RGS9: variants seen among roughly 807,000 people sequenced by gnomAD.
The protein encoded by RGS9 is regulator of G-protein signalling 9.
In RGS9, 78 loss-of-function variants were observed where a neutral mutation model predicts 102.0. The ratio of observed to expected loss-of-function variants is 0.76; its 90% CI spans 0.64 to 0.92. RGS9 has a LOEUF of 0.92. Ranked by LOEUF, RGS9 falls within the 40% of genes least tolerant of loss-of-function variation. The pLI, the probability that RGS9 is intolerant of heterozygous loss-of-function variation, is 0.00. For synonymous variants in RGS9, 353 were observed against 318.6 expected, an observed-to-expected ratio of 1.11 and a Z score of -1.15; for missense variants, 833 against 866.1, an observed-to-expected ratio of 0.96 and a Z score of 0.48.
intron 9 of RGS9, among the ~76,000 whole-genome samples, chr17:65,178,529 G>A (rs561146585): frequency 1.3e-5 from 2 of 150,242 alleles, no homozygotes; most frequent in East Asian, 3.9e-4. Flanking sequence ...TTTGAGACAG[G>A]GTCTCACTCT....
At chr17:65,149,153 T>C (rs1910486110) in intron 1 of RGS9, among the ~76,000 whole-genome samples, 1 of 151,188 alleles carries the variant, frequency 6.6e-6, no homozygotes, top group Non-Finnish European at 1.5e-5. Context: ...TTGTTATGTT[T>C]AATAGAAACG....
rs1911611056 is a variant in RGS9 at position 65,176,024 on chromosome 17, G to A, written c.583-1708G>A. Among the ~76,000 whole-genome samples the A allele has an allele frequency of 2.6e-5, 4 of 152,174 alleles. No individual in the cohort carries two copies. The South Asian group carries it at 8.3e-4, about 32-fold the overall frequency. ...AGCTAAAACCCAGTCTGATCCCATGGATGAGGCTGAATTTGATGGCAAGAA... is the reference window on the plus strand; with the variant it reads ...AGCTAAAACCCAGTCTGATCCCATGAATGAGGCTGAATTTGATGGCAAGAA... On this transcript the variant is annotated intron_variant, in intron 8 of 18. Transcript: ENST00000262406.
chr17:65,204,520 G>A (rs1051207174), intron 15 of RGS9, among the ~76,000 whole-genome samples: 2 of 152,088 alleles, frequency 1.3e-5, no homozygotes, highest in Non-Finnish European at 2.9e-5. Flanking sequence ...AGACCAGCCT[G>A]GGCAACACAG....
intron 18 of RGS9, among the ~76,000 whole-genome samples, chr17:65,226,660 T>C (rs992621611): frequency 1.3e-5 from 2 of 151,356 alleles, no homozygotes; most frequent in African/African-American, 4.9e-5. Context: ...TAGTCCAAGC[T>C]GGAGTGCAGT....
chr17:65,156,554 G>A (rs745541158), intron 2 of RGS9, among the ~76,000 whole-genome samples: 44 of 152,200 alleles, frequency 2.9e-4, no homozygotes, highest in Non-Finnish European at 3.5e-4. Context: ...GACGGCAGGC[G>A]TCCCAGGGCT....
In RGS9 at chr17:65,137,420, G is replaced by GCCCAGCCCGGTCCCCGCCCAGCCGCCTCC. The variant is rs1477037547; in HGVS notation, c.-114_-113insCGGTCCCCGCCCAGCCGCCTCCCCCAGCC. 4.0e-6 allele frequency: 4 copies of GCCCAGCCCGGTCCCCGCCCAGCCGCCTCC among 1,002,726 alleles called. No homozygotes were observed. Among genetic ancestry groups the GCCCAGCCCGGTCCCCGCCCAGCCGCCTCC allele is most frequent in the Admixed American group, 3.5e-5 (2 of 56,670 alleles). 62.1% of individuals were successfully genotyped at this position (1,002,726 alleles called of 1,614,324 possible). On this transcript the variant is annotated 5_prime_UTR_variant, in exon 1 of 19. Coordinates refer to ENST00000262406, the MANE Select transcript of RGS9 (RefSeq NM_003835.4). The stretch of plus-strand genomic sequence containing the variant: ...GGGGGGCCCGGCCCGCGCCCTCCCC[G>GCCCAGCCCGGTCCCCGCCCAGCCGCCTCC]CCCAGCCGCCTCCCCGTCGACGCCC...
intron 1 of RGS9, among the ~76,000 whole-genome samples, chr17:65,152,118 C>G (rs78506675): frequency 0.023 from 3,532 of 152,224 alleles, 83 homozygotes; most frequent in South Asian, 0.073. Context: ...AGGGTTGCAG[C>G]TTTAGGAATG....
chr17:65,157,907 T>TTGTGTGTG (rs1376662384), intron 2 of RGS9, among the ~76,000 whole-genome samples: 1,580 of 152,026 alleles, frequency 0.01, 22 homozygotes, highest in African/African-American at 0.036. Flanking sequence ...CGGGTCTGTT[T>TTGTGTGTG]TGTGTGTGTG....
rs879809306 is a variant in RGS9, at chr17:65,215,545, TTTTTTTTTG to T, written c.1407+4945_1407+4953del. Among the ~76,000 whole-genome samples the T allele has an allele frequency of 7.4e-5, 10 of 135,926 alleles. 1 individual carries two copies. The highest frequency in any genetic ancestry group is 1.3e-4 in the African/African-American group (4 of 30,812). 89.2% of individuals were successfully genotyped at this position (135,926 alleles called of 152,430 possible). A position where few individuals can be genotyped will look rare whatever the true frequency, so the allele number is the denominator to read the frequency against. On this transcript the variant is annotated intron_variant, in intron 17 of 18. Coordinates refer to ENST00000262406, the MANE Select transcript of RGS9 (RefSeq NM_003835.4). ...CTTTCTTTCTTTCTTTCTTTCTTTC[TTTTTTTTTG>T]TTTTGAGACAGAGTCTCAGGCTGGA...
chr17:65,169,378 G>A (rs1911319700), intron 8 of RGS9, among the ~76,000 whole-genome samples: 1 of 152,174 alleles, frequency 6.6e-6, no homozygotes, highest in African/African-American at 2.4e-5. Flanking sequence ...CCTGACGCAG[G>A]TATCTGGGGG....
In RGS9 at chr17:65,193,224, T is replaced by C. The variant is rs1417918514; in HGVS notation, c.747-319T>C. Among the ~76,000 whole-genome samples the C allele has an allele frequency of 7.4e-5, 11 of 148,898 alleles. No homozygotes were observed. The East Asian group carries it at 2.2e-3, about 29-fold the overall frequency. On this transcript the variant is annotated intron_variant, in intron 11 of 18. Transcript: ENST00000262406. ...AGGCGGAGGCTGCAGTGAGCCAAGA[T>C]TGTGCCACTGCACTCCAGCTTGGCT... is the stretch of plus-strand genomic sequence containing the variant.
At chr17:65,206,630 T>C (rs563842212) in intron 15 of RGS9, among the ~76,000 whole-genome samples, 43 of 152,276 alleles carry the variant, frequency 2.8e-4, no homozygotes, top group African/African-American at 9.1e-4. Flanking sequence ...TGAGTTGAGA[T>C]CGTGCCACTG....
At chr17:65,214,096 G>A (rs1260545524) in intron 17 of RGS9, among the ~76,000 whole-genome samples, 1 of 152,088 alleles carries the variant, frequency 6.6e-6, no homozygotes, top group Non-Finnish European at 1.5e-5. Context: ...CAGGTAGCTG[G>A]GACTATAGGT....
chr17:65,202,451 G>GAGAA (rs1293902610), intron 14 of RGS9, among the ~76,000 whole-genome samples: 1 of 138,366 alleles, frequency 7.2e-6, no homozygotes, highest in East Asian at 1.9e-4. Context: ...GTGTGAGAGA[G>GAGAA]AGAGAGAGAG....
At chr17:65,175,056 G>A (rs1200328484) in intron 8 of RGS9, among the ~76,000 whole-genome samples, 2 of 151,852 alleles carry the variant, frequency 1.3e-5, no homozygotes, top group Non-Finnish European at 2.9e-5. Context: ...TGATATTTGG[G>A]TGGGAACACA....
At chr17:65,215,404 G>A (rs1913453208) in intron 17 of RGS9, among the ~76,000 whole-genome samples, 1 of 152,176 alleles carries the variant, frequency 6.6e-6, no homozygotes, top group Non-Finnish European at 1.5e-5. Flanking sequence ...GAGGTTTGGA[G>A]TCCCAGACGA....
At position 65,137,609 on chromosome 17, in the gene RGS9, C is replaced by G. The variant is rs1909957913; in HGVS notation, c.57+12C>G. 1.2e-6 allele frequency: 2 copies of G among 1,613,454 alleles called. No homozygotes were observed. The highest frequency in any genetic ancestry group is 8.5e-7 in the Non-Finnish European group (1 of 1,179,838). On this transcript the variant is annotated intron_variant, in intron 1 of 18. Transcript: ENST00000262406. ...CATTTCTCCAAAAGGTAACCCTGGCCCCTCACCTGGACCCTGGGAGGAGGG... is the reference window on the plus strand; with the variant it reads ...CATTTCTCCAAAAGGTAACCCTGGCGCCTCACCTGGACCCTGGGAGGAGGG...
At position 65,202,045 on chromosome 17, in the gene RGS9, G is replaced by A. The variant is rs1912870091; in HGVS notation, c.1029G>A (p.Gln343=). The change falls in exon 14 of 19, where the codon CAG becomes CAA. Residue 343 remains glutamine, a synonymous_variant. Transcript: ENST00000262406. ...EACEDLKYGD[Q]SKVKEKAEEI... is the part of the protein sequence containing the mutation. Reference sequence around the variant, plus strand: ...GCGAGGATCTGAAGTATGGAGATCAGTCCAAAGTCAAGGAGAAAGCAGAGG... The same window carrying A: ...GCGAGGATCTGAAGTATGGAGATCAATCCAAAGTCAAGGAGAAAGCAGAGG... 1 of 1,613,812 alleles carries A rather than the reference G, an allele frequency of 6.2e-7. No homozygotes were observed. The highest frequency in any genetic ancestry group is 1.3e-5 in the African/African-American group (1 of 75,024).
intron 8 of RGS9, among the ~76,000 whole-genome samples, chr17:65,171,915 T>C (rs959264218): frequency 3.3e-5 from 5 of 152,240 alleles, no homozygotes; most frequent in African/African-American, 1.2e-4. Context: ...TGCTGTGCCA[T>C]CTGTGACTTC....
Sources: gnomAD v4.1 joint callset for allele counts (sites outside exome capture counted in the v4.1 genomes callset) on GRCh38, gnomAD v4.1.1 for gene constraint, MANE v1.5 for transcripts, NCBI Gene and HGNC (gene_info 2026-07-23, HGNC 2026-07-21) for gene names.